VOPP1: variants seen among roughly 807,000 people sequenced by gnomAD.
The protein encoded by VOPP1 is WW domain binding protein VOPP1.
A neutral mutation model predicts 23.5 loss-of-function variants in VOPP1; 8 were observed. The ratio of observed to expected loss-of-function variants is 0.34; its 90% CI spans 0.20 to 0.61. VOPP1 has a LOEUF of 0.61. VOPP1 is among the 20% of genes least tolerant of loss of function. VOPP1 has a pLI of 0.78. For synonymous variants in VOPP1, 83 were observed against 97.3 expected, an observed-to-expected ratio of 0.85 and a Z score of 0.86; for missense variants, 174 against 238.1, an observed-to-expected ratio of 0.73 and a Z score of 1.77.
chr7:55,568,635 T>C (rs1317518217), intron 1 of VOPP1, among the ~76,000 whole-genome samples: 2 of 152,140 alleles, frequency 1.3e-5, no homozygotes, highest in East Asian at 1.9e-4. Flanking sequence ...AAATACTAAG[T>C]AGATTTCAAA....
downstream of VOPP1, among the ~76,000 whole-genome samples, chr7:55,470,383 C>T (rs944518298): frequency 6.6e-6 from 1 of 152,184 alleles, no homozygotes; most frequent in African/African-American, 2.4e-5. Context: ...ACAGTATCAA[C>T]AGTACATTAC....
intron 1 of VOPP1, among the ~76,000 whole-genome samples, chr7:55,527,825 C>A (rs1318835389): frequency 6.6e-6 from 1 of 152,014 alleles, no homozygotes; most frequent in Admixed American, 6.6e-5. Flanking sequence ...GGCCAATAAA[C>A]CTATTTTAAG....
At chr7:55,485,402 A>G (rs938293855) in intron 4 of VOPP1, among the ~76,000 whole-genome samples, 14 of 152,258 alleles carry the variant, frequency 9.2e-5, no homozygotes, top group Admixed American at 1.3e-4. Flanking sequence ...CACAGAACTG[A>G]AAGTCGATTT....
At chr7:55,550,472 A>G (rs1797557357) in intron 1 of VOPP1, among the ~76,000 whole-genome samples, 1 of 152,258 alleles carries the variant, frequency 6.6e-6, no homozygotes, top group South Asian at 2.1e-4. Flanking sequence ...GAAAGTTTGC[A>G]GTCTGGAAAT....
At chr7:55,445,061 AC>A (rs1443310104) in intron 4 of VOPP1, among the ~76,000 whole-genome samples, 1 of 152,166 alleles carries the variant, frequency 6.6e-6, no homozygotes, top group African/African-American at 2.4e-5. Flanking sequence ...CTGATAAGTC[AC>A]TGGGTTTATT....
At chr7:55,518,213 T>C (rs1795596974) in intron 2 of VOPP1, among the ~76,000 whole-genome samples, 1 of 152,134 alleles carries the variant, frequency 6.6e-6, no homozygotes, top group South Asian at 2.1e-4. Context: ...ACAGAGCTGG[T>C]AAACAACAGA....
chr7:55,505,429 G>A (rs1215721006), intron 2 of VOPP1, among the ~76,000 whole-genome samples: 1 of 152,054 alleles, frequency 6.6e-6, no homozygotes, highest in East Asian at 1.9e-4. Flanking sequence ...TAGCTGCAAG[G>A]ACTCTAGGAG....
intron 4 of VOPP1, among the ~76,000 whole-genome samples, chr7:55,482,482 A>ATTTTTTTTTT (rs71031859): frequency 3.2e-4 from 42 of 132,804 alleles, no homozygotes; most frequent in African/African-American, 6.8e-4. Context: ...CACCTGGCTA[A>ATTTTTTTTTT]TTTTTTTTTT....
chr7:55,440,664 G>T (rs895099165), intron 4 of VOPP1, among the ~76,000 whole-genome samples: 1 of 152,212 alleles, frequency 6.6e-6, no homozygotes, highest in Non-Finnish European at 1.5e-5. Flanking sequence ...CCCCAGGTCT[G>T]CCTGGTCTCA....
intron 2 of VOPP1, among the ~76,000 whole-genome samples, chr7:55,518,343 C>T (rs1795607159): frequency 1.3e-5 from 2 of 152,136 alleles, no homozygotes; most frequent in Non-Finnish European, 2.9e-5. Context: ...AATTTCACCT[C>T]AATTAAATAA....
At chr7:55,526,945 G>A (rs1252853870) in intron 1 of VOPP1, 2 of 152,220 alleles carry the variant, frequency 1.3e-5, no homozygotes, top group Non-Finnish European at 2.9e-5. Context: ...TTGACACACA[G>A]GCAATGAGAT....
intron 2 of VOPP1, among the ~76,000 whole-genome samples, chr7:55,504,489 A>G (rs1370890266): frequency 6.6e-6 from 1 of 152,252 alleles, no homozygotes; most frequent in Admixed American, 6.5e-5. Flanking sequence ...CCAGTGCCCC[A>G]GCAAATCTCC....
At chr7:55,548,901 C>A (rs376162095) in intron 1 of VOPP1, among the ~76,000 whole-genome samples, 1 of 152,212 alleles carries the variant, frequency 6.6e-6, no homozygotes, top group Non-Finnish European at 1.5e-5. Flanking sequence ...CCAAACCCAA[C>A]AAAATCCACC....
At chr7:55,562,737 C>A (rs557743700) in intron 1 of VOPP1, among the ~76,000 whole-genome samples, 10 of 152,156 alleles carry the variant, frequency 6.6e-5, no homozygotes, top group Non-Finnish European at 1.5e-5. Context: ...AGGACTCTTG[C>A]TGAAACTGAG....
chr7:55,443,293 G>A (rs111437180), intron 4 of VOPP1, among the ~76,000 whole-genome samples: 33 of 152,082 alleles, frequency 2.2e-4, no homozygotes, highest in African/African-American at 7.7e-4. Flanking sequence ...GGTGGCTCAC[G>A]CCTGTAATCC....
chr7:55,522,726 C>A (rs565055833), intron 1 of VOPP1, among the ~76,000 whole-genome samples: 4 of 152,312 alleles, frequency 2.6e-5, no homozygotes, highest in Non-Finnish European at 5.9e-5. Flanking sequence ...CCTGGCTGCT[C>A]CAGGGCTGCT....
At chr7:55,538,002 T>C (rs1796902532) in intron 1 of VOPP1, among the ~76,000 whole-genome samples, 2 of 152,148 alleles carry the variant, frequency 1.3e-5, no homozygotes, top group East Asian at 1.9e-4. Flanking sequence ...GGAGCCCCCA[T>C]TCAGCTCACA....
At chr7:55,487,872 C>A (rs545467029) in intron 4 of VOPP1, among the ~76,000 whole-genome samples, 1 of 152,320 alleles carries the variant, frequency 6.6e-6, no homozygotes, top group South Asian at 2.1e-4. Context: ...AGCCAGCCAG[C>A]CAGCCCTTCC....
At chr7:55,439,406 G>A (rs548481734) in intron 4 of VOPP1, among the ~76,000 whole-genome samples, 1 of 152,304 alleles carries the variant, frequency 6.6e-6, no homozygotes, top group South Asian at 2.1e-4. Flanking sequence ...GAACTCCTCG[G>A]CAGCACAGGC....
Sources: gnomAD v4.1 joint callset for allele counts (sites outside exome capture counted in the v4.1 genomes callset) on GRCh38, gnomAD v4.1.1 for gene constraint, MANE v1.5 for transcripts, NCBI Gene and HGNC (gene_info 2026-07-23, HGNC 2026-07-21) for gene names.